SIPA1L1: variants seen among roughly 807,000 people sequenced by gnomAD.
SIPA1L1 encodes signal-induced proliferation-associated 1-like protein 1.
A neutral mutation model predicts 162.7 loss-of-function variants in SIPA1L1; 26 were observed. The observed-to-expected ratio is 0.16, with a 90% confidence interval of 0.12 to 0.22. The LOEUF is 0.22. Among genes scored for constraint, SIPA1L1 ranks in the 10% least tolerant of loss-of-function variants. SIPA1L1 has a pLI of 1.00. For synonymous variants in SIPA1L1, 829 were observed against 837.4 expected (o/e 0.99, Z 0.17); for missense variants, 1,874 against 2,241.0 (o/e 0.84, Z 3.31).
At chr14:71,724,217 T>C (rs1163434248) in intron 18 of SIPA1L1, among the ~76,000 whole-genome samples, 1 of 152,214 alleles carries the variant, frequency 6.6e-6, no homozygotes, top group East Asian at 1.9e-4. Context: ...ACAGCCTTCC[T>C]GTGTAATTCT....
At chr14:71,568,034 A>C (rs2031111126) in intron 4 of SIPA1L1, among the ~76,000 whole-genome samples, 1 of 152,210 alleles carries the variant, frequency 6.6e-6, no homozygotes, top group African/African-American at 2.4e-5. Context: ...TTTGATTGCC[A>C]TCTTGGTTTT....
rs368778477 is a variant in SIPA1L1, at chr14:71,658,421, C to A, written c.2082C>A (p.Pro694=). ...TTTCTACCATGCTGCCATACACACCCAACAACAAACAACAGGTAAGAGATC... is the reference window on the plus strand; with the variant it reads ...TTTCTACCATGCTGCCATACACACCAAACAACAAACAACAGGTAAGAGATC... ...FHVSTMLPYT[P]NNKQQLLRKR... is the part of the protein sequence containing the mutation. The change falls in exon 9 of 24, where the codon CCC becomes CCA. Residue 694 remains proline, a synonymous_variant. Transcript: ENST00000381232. 1.5e-5 allele frequency: 24 copies of A among 1,572,936 alleles called. No homozygotes were observed. The African/African-American group carries it at 2.8e-4, about 19-fold the overall frequency.
At position 71,516,971 on chromosome 14, in the gene SIPA1L1, TCAAA is replaced by T. The variant is rs962137741; in HGVS notation, c.-362+4139_-362+4142del. The stretch of plus-strand genomic sequence containing the variant: ...TGGGGCAACAGAACGAGACTTTGTC[TCAAA>T]CAAACAAACAAAACAAAAACATTTT... On this transcript the variant is annotated intron_variant, in intron 3 of 23. Coordinates refer to ENST00000381232, the MANE Select transcript of SIPA1L1 (RefSeq NM_001386936.1). 2.0e-5 allele frequency among the ~76,000 whole-genome samples: 3 copies of T among 152,142 alleles called. No homozygotes were observed. In the South Asian group the frequency reaches 6.2e-4, roughly 31 times the overall value.
At chr14:71,700,822 T>G (rs1306870341) in intron 14 of SIPA1L1, among the ~76,000 whole-genome samples, 2 of 151,676 alleles carry the variant, frequency 1.3e-5, no homozygotes, top group African/African-American at 4.8e-5. Flanking sequence ...GTGAAACCTC[T>G]TCTCTACTAA....
intron 4 of SIPA1L1, among the ~76,000 whole-genome samples, chr14:71,570,482 C>G (rs148143776): frequency 6.6e-6 from 1 of 152,062 alleles, no homozygotes; most frequent in Admixed American, 6.5e-5. Context: ...CTAGGCTGGT[C>G]TTGAACTCCT....
chr14:71,554,119 AC>A (rs1348829925), intron 4 of SIPA1L1, among the ~76,000 whole-genome samples: 1 of 152,174 alleles, frequency 6.6e-6, no homozygotes, highest in South Asian at 2.1e-4. Flanking sequence ...TGGTACTGAT[AC>A]GTTATTTCTG....
At chr14:71,554,679 G>A (rs2056191014) in intron 4 of SIPA1L1, among the ~76,000 whole-genome samples, 1 of 152,072 alleles carries the variant, frequency 6.6e-6, no homozygotes. Context: ...AAATTTTTTG[G>A]TGAGGTTTTG....
rs900183002 is a variant in SIPA1L1, at chr14:71,342,830, G to A, written c.-465+21649G>A. ...TTGGTTTATTAGATAAGGATTTTTG[G>A]TGGTATAATAACTAGGTTGGGTGGT... On this transcript the variant is annotated intron_variant, in intron 2 of 23. Transcript: ENST00000381232. 2.6e-5 allele frequency among the ~76,000 whole-genome samples: 4 copies of A among 152,138 alleles called. No individual in the cohort carries two copies. The East Asian group carries it at 7.7e-4, about 29-fold the overall frequency.
chr14:71,666,589 T>C (rs990339628), intron 10 of SIPA1L1, among the ~76,000 whole-genome samples: 1 of 152,174 alleles, frequency 6.6e-6, no homozygotes, highest in Non-Finnish European at 1.5e-5. Context: ...AAAACAAATA[T>C]TAAACTGTGG....
chr14:71,637,281 C>G (rs1163011719), intron 7 of SIPA1L1, among the ~76,000 whole-genome samples: 1 of 151,958 alleles, frequency 6.6e-6, no homozygotes, highest in Non-Finnish European at 1.5e-5. Context: ...TTTCTGCAGT[C>G]AACTGTGCTC....
intron 2 of SIPA1L1, among the ~76,000 whole-genome samples, chr14:71,385,996 T>G (rs1190896027): frequency 2.0e-5 from 3 of 152,202 alleles, no homozygotes; most frequent in African/African-American, 7.2e-5. Context: ...TGCACATTCT[T>G]TTGTTTTCAG....
chr14:71,682,555 C>CTTTATCATACTATA (rs1178032469), intron 12 of SIPA1L1, among the ~76,000 whole-genome samples: 1 of 152,194 alleles, frequency 6.6e-6, no homozygotes, highest in Non-Finnish European at 1.5e-5. Context: ...TCTGCTCAGA[C>CTTTATCATACTATA]TTTATCATAC....
intron 19 of SIPA1L1, among the ~76,000 whole-genome samples, chr14:71,726,047 T>C (rs1345594639): frequency 3.9e-5 from 6 of 152,128 alleles, no homozygotes; most frequent in Admixed American, 3.9e-4. Context: ...TGCGTGTGCA[T>C]GCATCTCCCC....
Position 71,523,880 on chromosome 14 carries a change from T to C in SIPA1L1, c.-361-5432T>C, listed in dbSNP as rs142981093. On this transcript the variant is annotated intron_variant, in intron 3 of 23. Coordinates refer to ENST00000381232, the MANE Select transcript of SIPA1L1 (RefSeq NM_001386936.1). Reference sequence around the variant, plus strand: ...ACTTTCCTTTTAAGAAGTCCCCAGCTTTTTTGAGCACTTCCTTACTTTTTG... The same window carrying C: ...ACTTTCCTTTTAAGAAGTCCCCAGCCTTTTTGAGCACTTCCTTACTTTTTG... 2.1e-3 allele frequency among the ~76,000 whole-genome samples: 318 copies of C among 152,362 alleles called. 1 individual carries two copies. Among genetic ancestry groups the C allele is most frequent in the Middle Eastern group, 3.4e-3 (1 of 294 alleles).
chr14:71,321,671 A>T (rs1189344092), intron 2 of SIPA1L1: 1 of 152,270 alleles, frequency 6.6e-6, no homozygotes, highest in East Asian at 1.9e-4. Context: ...GGGATGCTCT[A>T]ACCTGCTTTC....
intron 2 of SIPA1L1, among the ~76,000 whole-genome samples, chr14:71,456,653 A>G (rs947408021): frequency 1.3e-5 from 2 of 152,252 alleles, no homozygotes; most frequent in African/African-American, 4.8e-5. Context: ...GTTTATTTTC[A>G]GACAAAACAG....
At chr14:71,418,070 C>G (rs904576126) in intron 2 of SIPA1L1, 1 of 152,136 alleles carries the variant, frequency 6.6e-6, no homozygotes, top group Non-Finnish European at 1.5e-5. Context: ...CTGTTGTACC[C>G]TTTTTCTCTT....
intron 2 of SIPA1L1, among the ~76,000 whole-genome samples, chr14:71,416,736 C>T (rs1432683047): frequency 6.6e-6 from 1 of 151,614 alleles, no homozygotes; most frequent in African/African-American, 2.4e-5. Flanking sequence ...CACACACACA[C>T]ACACACACAC....
At chr14:71,543,858 A>G (rs1356262302) in intron 4 of SIPA1L1, among the ~76,000 whole-genome samples, 24 of 144,244 alleles carry the variant, frequency 1.7e-4, no homozygotes, top group Admixed American at 1.7e-3. Flanking sequence ...GTATATATAC[A>G]TATATCATAC....
Sources: allele counts gnomAD v4.1 joint callset (sites outside exome capture counted in the v4.1 genomes callset), GRCh38; gene constraint gnomAD v4.1.1; transcripts MANE v1.5; gene names NCBI Gene and HGNC (gene_info 2026-07-23, HGNC 2026-07-21).